Variants in FRMPD4 observed in about 807,000 individuals in gnomAD.
FRMPD4 encodes FERM and PDZ domain-containing protein 4.
In FRMPD4, 22 loss-of-function variants were observed where a neutral mutation model predicts 94.1. The observed-to-expected ratio is 0.23, with a 90% CI of 0.17 to 0.33. The LOEUF (loss-of-function observed/expected upper bound fraction) is 0.33. FRMPD4 is among the 10% of genes least tolerant of loss of function. The pLI, the probability that FRMPD4 is intolerant of heterozygous loss-of-function variation, is 1.00. For synonymous variants in FRMPD4, 631 were observed against 548.6 expected, an observed-to-expected ratio of 1.15 and a Z score of -2.10; for missense variants, 1,111 against 1,339.9, an observed-to-expected ratio of 0.83 and a Z score of 2.67.
intron 5 of FRMPD4, among the ~76,000 whole-genome samples, chrX:12,680,921 G>T (rs749075911): frequency 1.8e-5 from 2 of 110,932 alleles, no homozygotes; most frequent in African/African-American, 6.5e-5. Flanking sequence ...GTAACCTTAC[G>T]TATTTTCGTG....
chrX:12,668,253 G>A (rs185919033), intron 4 of FRMPD4, among the ~76,000 whole-genome samples: 1 of 110,548 alleles, frequency 9.0e-6, no homozygotes, highest in Admixed American at 9.7e-5. Context: ...AAACATTATA[G>A]AGTTAATTTT....
intron 1 of FRMPD4, among the ~76,000 whole-genome samples, chrX:12,497,594 T>G (rs1200960017): frequency 2.7e-5 from 3 of 111,222 alleles, no homozygotes; most frequent in Non-Finnish European, 5.7e-5. Context: ...TATGGTGGCA[T>G]TCTACATTTA....
intron 1 of FRMPD4, among the ~76,000 whole-genome samples, chrX:12,287,037 G>A (rs1198884385): frequency 8.9e-6 from 1 of 111,999 alleles, no homozygotes; most frequent in Non-Finnish European, 1.9e-5. Flanking sequence ...GCTGGGGCAA[G>A]ATGCAAGAGA....
intron 1 of FRMPD4, among the ~76,000 whole-genome samples, chrX:12,464,364 C>T (rs754573624): frequency 8.9e-6 from 1 of 112,120 alleles, no homozygotes; most frequent in African/African-American, 3.2e-5. Flanking sequence ...TACAGTTATT[C>T]TCCAAGTACT....
intron 1 of FRMPD4, among the ~76,000 whole-genome samples, chrX:12,444,058 A>G (rs995505402): frequency 1.8e-5 from 2 of 111,272 alleles, no homozygotes; most frequent in Non-Finnish European, 3.8e-5. Context: ...TTGACAGCAT[A>G]GTATAGAACA....
chrX:12,255,568 G>A (rs755361237), intron 1 of FRMPD4, among the ~76,000 whole-genome samples: 8 of 111,654 alleles, frequency 7.2e-5, no homozygotes, highest in Admixed American at 2.8e-4. Flanking sequence ...TTCTGTTATC[G>A]GGCCTTCCTT....
At chrX:12,651,092 A>ATCATTTT (rs1389246634) in intron 4 of FRMPD4, among the ~76,000 whole-genome samples, 1 of 112,711 alleles carries the variant, frequency 8.9e-6, no homozygotes, top group African/African-American at 3.2e-5. Context: ...ACCAAAAAGT[A>ATCATTTT]TGCCAACAAG....
intron 1 of FRMPD4, among the ~76,000 whole-genome samples, chrX:12,353,780 G>A (rs1273398756): frequency 1.8e-5 from 2 of 111,898 alleles, no homozygotes; most frequent in Non-Finnish European, 3.8e-5. Context: ...TTGTATAGAC[G>A]ACTAACAATT....
chrX:12,405,177 G>A (rs770812897), intron 1 of FRMPD4, among the ~76,000 whole-genome samples: 4 of 111,520 alleles, frequency 3.6e-5, no homozygotes, highest in Non-Finnish European at 7.5e-5. Context: ...TTTAAAGGGA[G>A]TTATCTGCTC....
Position 12,492,123 on chromosome X carries a change from CAT to C in FRMPD4, c.42-6556_42-6555del, listed in dbSNP as rs1318107780. On this transcript the variant is annotated intron_variant, in intron 1 of 16. Coordinates refer to ENST00000675598, the MANE Select transcript of FRMPD4 (RefSeq NM_001368397.1). ...AAATGTCCAATTCGGGGCAGGGCTG[CAT>C]CTAACTTTAATGGCAACCACTGCAT... 5.4e-5 allele frequency among the ~76,000 whole-genome samples: 6 copies of C among 112,080 alleles called. No individual in the cohort carries two copies. In the South Asian group the frequency reaches 1.5e-3, roughly 28 times the overall value.
chrX:12,552,070 G>T (rs1229807572), intron 2 of FRMPD4, among the ~76,000 whole-genome samples: 1 of 111,484 alleles, frequency 9.0e-6, no homozygotes, highest in East Asian at 2.8e-4. Flanking sequence ...GTTTTCCTAC[G>T]TTATTGTGAA....
intron 3 of FRMPD4, among the ~76,000 whole-genome samples, chrX:12,077,448 C>T (rs1313237568): frequency 2.7e-5 from 3 of 111,859 alleles, no homozygotes; most frequent in East Asian, 2.8e-4. Flanking sequence ...GGGCTTTGAG[C>T]TGGAAACAGA....
At chrX:11,996,136 G>A (rs544345240) in intron 3 of FRMPD4, among the ~76,000 whole-genome samples, 1 of 111,877 alleles carries the variant, frequency 8.9e-6, no homozygotes, top group East Asian at 2.8e-4. Flanking sequence ...AAATAAAGCA[G>A]ACAGTATACC....
At chrX:12,677,575 C>G (rs2059912677) in intron 5 of FRMPD4, among the ~76,000 whole-genome samples, 1 of 111,518 alleles carries the variant, frequency 9.0e-6, no homozygotes, top group Non-Finnish European at 1.9e-5. Context: ...ACCCAGCAGA[C>G]CAAAAGAAAG....
At chrX:12,462,938 A>G (rs1416116161) in intron 1 of FRMPD4, among the ~76,000 whole-genome samples, 2 of 111,666 alleles carry the variant, frequency 1.8e-5, no homozygotes, top group Non-Finnish European at 3.8e-5. Context: ...GTAGTGAGCC[A>G]TGATCATACC....
At chrX:12,452,304 C>T (rs1485287723) in intron 1 of FRMPD4, among the ~76,000 whole-genome samples, 3 of 112,374 alleles carry the variant, frequency 2.7e-5, no homozygotes, top group African/African-American at 9.7e-5. Flanking sequence ...ATGGGATTTA[C>T]AGATGGATAT....
chrX:11,959,827 T>A (rs755467128), intron 3 of FRMPD4, among the ~76,000 whole-genome samples: 12 of 111,438 alleles, frequency 1.1e-4, no homozygotes, highest in Non-Finnish European at 2.1e-4. Context: ...ATTCAATCAG[T>A]TTGAGGACTT....
At chrX:12,151,649 T>C (rs1475116365) in intron 1 of FRMPD4, among the ~76,000 whole-genome samples, 1 of 112,244 alleles carries the variant, frequency 8.9e-6, no homozygotes, top group African/African-American at 3.2e-5. Context: ...GCCTTCTATT[T>C]TCTTTAAATT....
chrX:12,537,377 ATTAT>A (rs767975281), intron 2 of FRMPD4, among the ~76,000 whole-genome samples: 10 of 111,102 alleles, frequency 9.0e-5, no homozygotes, highest in African/African-American at 3.3e-4. Context: ...TACACACAAC[ATTAT>A]TTAAATACCT....
Sources: gnomAD v4.1 joint callset for allele counts (sites outside exome capture counted in the v4.1 genomes callset) on GRCh38, gnomAD v4.1.1 for gene constraint, MANE v1.5 for transcripts, NCBI Gene and HGNC (gene_info 2026-07-23, HGNC 2026-07-21) for gene names.